The following ULK4 variants were observed in gnomAD, a reference collection of about 807,000 sequenced individuals.
ULK4 encodes the protein unc-51 like kinase 4, also known as inactive serine/threonine-protein kinase ULK4.
In ULK4, 133 loss-of-function variants were observed where a neutral mutation model predicts 160.6. That is an observed-to-expected ratio of 0.83 (90% CI 0.72 to 0.96). ULK4 has a LOEUF of 0.96. ULK4 is among the 40% of genes least tolerant of loss of function. ULK4 has a pLI of 0.00. For missense variants in ULK4, 1,580 were observed against 1,499.5 expected, an observed-to-expected ratio of 1.05 and a Z score of -0.89; for synonymous variants, 534 against 539.8, an observed-to-expected ratio of 0.99 and a Z score of 0.15.
At chr3:41,588,778 G>A (rs1448727691) in intron 31 of ULK4, among the ~76,000 whole-genome samples, 1 of 152,134 alleles carries the variant, frequency 6.6e-6, no homozygotes, top group Admixed American at 6.5e-5. Flanking sequence ...TGGGCATCCA[G>A]TCATTTAAAT....
Position 41,900,114 on chromosome 3 carries a change from A to C in ULK4, c.1287+611T>G, listed in dbSNP as rs561626149. On this transcript the variant is annotated intron_variant, in intron 13 of 36. Transcript: ENST00000301831. ...AATGAATTTGTTTTTTAAAGTAGAT[A>C]CTCATTATCCCCTAGCAATAAAGTA... Among the ~76,000 whole-genome samples, 58 of 152,294 alleles carry C rather than the reference A, an allele frequency of 3.8e-4. 1 individual carries two copies. In the South Asian group the frequency reaches 0.011, roughly 28 times the overall value.
intron 35 of ULK4, among the ~76,000 whole-genome samples, chr3:41,309,361 A>G (rs1424656988): frequency 6.6e-6 from 1 of 152,094 alleles, no homozygotes; most frequent in Non-Finnish European, 1.5e-5. Flanking sequence ...GGGTCTCCCT[A>G]TGCTGCCCAG....
At chr3:41,558,927 C>T (rs1045160526) in intron 32 of ULK4, among the ~76,000 whole-genome samples, 1 of 144,144 alleles carries the variant, frequency 6.9e-6, no homozygotes, top group Non-Finnish European at 1.5e-5. Context: ...GCACAACGTG[C>T]AGGTTAGTTA....
intron 11 of ULK4, among the ~76,000 whole-genome samples, chr3:41,910,335 A>AAT (rs1698735844): frequency 6.6e-6 from 1 of 152,168 alleles, no homozygotes; most frequent in Non-Finnish European, 1.5e-5. Context: ...ACTGTGGCTC[A>AAT]TGTGTGTAAT....
In ULK4 at chr3:41,754,257, A is replaced by T. The variant is rs58341418; in HGVS notation, c.2321+104T>A. ...ATATTAAGCCCCTGGAAAAACTCTT[A>T]AAAAAAAATACCAGATACACAGAGG... On this transcript the variant is annotated intron_variant, in intron 22 of 36. Transcript: ENST00000301831. 6,905 of 1,179,000 alleles carry T rather than the reference A, an allele frequency of 5.9e-3. 300 individuals carry two copies. The East Asian group carries it at 0.12, about 20-fold the overall frequency. 73.0% of individuals were successfully genotyped at this position (1,179,000 alleles called of 1,614,324 possible).
At chr3:41,505,466 T>A (rs534942479) in intron 32 of ULK4, among the ~76,000 whole-genome samples, 1 of 152,326 alleles carries the variant, frequency 6.6e-6, no homozygotes, top group Admixed American at 6.5e-5. Flanking sequence ...GTTCAATATG[T>A]TTTGAACATT....
rs757016594 is a variant in ULK4, at chr3:41,860,651, T to C, written c.1656+23223A>G. Among the ~76,000 whole-genome samples, 92 of 152,194 alleles carry C rather than the reference T, an allele frequency of 6.0e-4. 1 individual carries two copies. The highest frequency in any genetic ancestry group is 1.0e-3 in the Non-Finnish European group (71 of 68,026). The stretch of plus-strand genomic sequence containing the variant: ...TGTGTTTCTTGTAGGCAACAATCAA[T>C]GGGTCTTGTTTTTTCATCCAGCCAG... On this transcript the variant is annotated intron_variant, in intron 17 of 36. Coordinates refer to ENST00000301831, the MANE Select transcript of ULK4 (RefSeq NM_017886.4).
At chr3:41,681,888 G>C in intron 27 of ULK4, 84 bp from the exon 28 acceptor site, 1 of 1,477,254 alleles carries the variant, frequency 6.8e-7, no homozygotes, top group Non-Finnish European at 9.4e-7. Context: ...TCCACAGACA[G>C]AATCCCTAAT....
At chr3:41,306,052 C>T (rs1335629244) in intron 35 of ULK4, among the ~76,000 whole-genome samples, 2 of 147,330 alleles carry the variant, frequency 1.4e-5, no homozygotes, top group African/African-American at 5.1e-5. Flanking sequence ...AGTGAGGAGC[C>T]TCTCCGCCCA....
intron 5 of ULK4, among the ~76,000 whole-genome samples, chr3:41,922,148 A>G (rs908204623): frequency 3.9e-5 from 6 of 152,172 alleles, no homozygotes; most frequent in Admixed American, 2.6e-4. Flanking sequence ...GCAAGACTCC[A>G]TCGCAAATAA....
At chr3:41,666,593 G>T (rs1248451803) in intron 29 of ULK4, among the ~76,000 whole-genome samples, 2 of 152,146 alleles carry the variant, frequency 1.3e-5, no homozygotes, top group Non-Finnish European at 2.9e-5. Context: ...CTTCTGATGA[G>T]TCCTTCGTGT....
chr3:41,768,231 A>C (rs941650454), intron 21 of ULK4, among the ~76,000 whole-genome samples: 3 of 152,212 alleles, frequency 2.0e-5, no homozygotes, highest in Non-Finnish European at 4.4e-5. Context: ...CCCTGGTGCC[A>C]AAAAGGGTGG....
intron 35 of ULK4, among the ~76,000 whole-genome samples, chr3:41,347,672 A>T (rs1294594636): frequency 6.6e-6 from 1 of 151,976 alleles, no homozygotes; most frequent in Non-Finnish European, 1.5e-5. Flanking sequence ...TTGCAAACTC[A>T]TCTCGGATAC....
At chr3:41,322,092 C>T (rs1253203022) in intron 35 of ULK4, among the ~76,000 whole-genome samples, 2 of 144,186 alleles carry the variant, frequency 1.4e-5, no homozygotes, top group Non-Finnish European at 1.5e-5. Flanking sequence ...AGTGCAGTGG[C>T]GCGATCTCGG....
intron 19 of ULK4, among the ~76,000 whole-genome samples, chr3:41,813,816 T>C (rs1246962788): frequency 6.6e-6 from 1 of 152,238 alleles, no homozygotes; most frequent in Non-Finnish European, 1.5e-5. Flanking sequence ...GGGCAACGTG[T>C]GTGGAACAGA....
intron 18 of ULK4, among the ~76,000 whole-genome samples, chr3:41,835,521 A>G (rs987658299): frequency 1.3e-5 from 2 of 152,198 alleles, no homozygotes; most frequent in East Asian, 1.9e-4. Context: ...CTTTCCATGG[A>G]AAGAACCAAT....
chr3:41,669,588 C>A (rs1200418828), intron 29 of ULK4, among the ~76,000 whole-genome samples: 2 of 152,132 alleles, frequency 1.3e-5, no homozygotes, highest in Admixed American at 1.3e-4. Flanking sequence ...CACAGAAATT[C>A]TATCCCTAGA....
chr3:41,380,448 C>A (rs1333534990), intron 35 of ULK4, among the ~76,000 whole-genome samples: 1 of 152,122 alleles, frequency 6.6e-6, no homozygotes, highest in South Asian at 2.1e-4. Flanking sequence ...GGCCTTCTTA[C>A]CATACCGTCA....
intron 30 of ULK4, among the ~76,000 whole-genome samples, chr3:41,658,108 T>C (rs1015299197): frequency 6.6e-6 from 1 of 152,226 alleles, no homozygotes; most frequent in African/African-American, 2.4e-5. Context: ...CATAAGGGAA[T>C]GGCAAAGATC....
Sources: gnomAD v4.1 joint callset for allele counts (sites outside exome capture counted in the v4.1 genomes callset) on GRCh38, gnomAD v4.1.1 for gene constraint, MANE v1.5 for transcripts, NCBI Gene and HGNC (gene_info 2026-07-23, HGNC 2026-07-21) for gene names.